KCNK9: variants seen among roughly 807,000 people sequenced by gnomAD.
KCNK9 encodes the protein potassium two pore domain channel subfamily K member 9, also known as potassium channel subfamily K member 9.
KCNK9 carries 1 observed loss-of-function variant against 10.8 expected under a neutral mutation model. The observed-to-expected ratio is 0.09, with a 90% CI of 0.03 to 0.44. The LOEUF (loss-of-function observed/expected upper bound fraction) is 0.44. Among genes scored for constraint, KCNK9 ranks in the 20% least tolerant of loss-of-function variants. The probability of loss-of-function intolerance (pLI) is 0.97; values close to 1 mark genes in which losing one functional copy is unlikely to be tolerated. For synonymous variants in KCNK9, 231 were observed against 222.7 expected (o/e 1.04, Z -0.33); for missense variants, 303 against 515.0 (o/e 0.59, Z 3.98).
downstream of KCNK9, among the ~76,000 whole-genome samples, chr8:139,610,916 T>A (rs909444445): frequency 6.6e-6 from 1 of 152,264 alleles, no homozygotes; most frequent in African/African-American, 2.4e-5. Context: ...GGATGGAATC[T>A]GTGCCCCCTG....
At chr8:139,616,205 C>T (rs141618589), downstream of KCNK9, among the ~76,000 whole-genome samples, 1 of 152,206 alleles carries the variant, frequency 6.6e-6, no homozygotes, top group South Asian at 2.1e-4. Flanking sequence ...GCACACTCTT[C>T]TGAAGCATAA....
At position 139,682,329 on chromosome 8, in the gene KCNK9, G is replaced by A. The variant is rs987869199; in HGVS notation, c.283+20381C>T. ...CAGGCGGGTGGGGGCCTCAGCCCCT[G>A]GGAGATGAAGAAGAGAGTCCCTGCT... On this transcript the variant is annotated intron_variant, in intron 1 of 1. Transcript: ENST00000520439. 2.6e-4 allele frequency among the ~76,000 whole-genome samples: 39 copies of A among 152,322 alleles called. 1 individual carries two copies. The highest frequency in any genetic ancestry group is 2.3e-3 in the Admixed American group (35 of 15,302).
At chr8:139,692,899 T>C (rs528252226) in intron 1 of KCNK9, among the ~76,000 whole-genome samples, 4 of 152,060 alleles carry the variant, frequency 2.6e-5, no homozygotes, top group African/African-American at 7.2e-5. Flanking sequence ...GAGCTTCTGC[T>C]TCAAATGTGG....
intron 1 of KCNK9, among the ~76,000 whole-genome samples, chr8:139,640,555 G>A (rs1025936696): frequency 2.0e-5 from 3 of 152,172 alleles, no homozygotes; most frequent in Non-Finnish European, 4.4e-5. Context: ...CTAGCATGGA[G>A]CACTGTACTT....
Position 139,671,398 on chromosome 8 carries a change from G to A in KCNK9, c.283+31312C>T, listed in dbSNP as rs550569405. On this transcript the variant is annotated intron_variant, in intron 1 of 1. Transcript: ENST00000520439. ...AGCCAGCCCAGAGGAGGTGAGAGAC[G>A]CCTAAGCCATGAACTCCCACCAGCA... is the stretch of plus-strand genomic sequence containing the variant. Among the ~76,000 whole-genome samples the A allele has an allele frequency of 1.1e-3, 162 of 152,250 alleles. 1 individual carries two copies. The highest frequency in any genetic ancestry group is 1.7e-3 in the South Asian group (8 of 4,818).
intron 1 of KCNK9, among the ~76,000 whole-genome samples, chr8:139,623,043 CTGTG>C (rs1411928430): frequency 3.9e-5 from 6 of 152,194 alleles, no homozygotes; most frequent in African/African-American, 1.2e-4. Flanking sequence ...ATGACACAGG[CTGTG>C]TATGTGCCAC....
intron 1 of KCNK9, among the ~76,000 whole-genome samples, chr8:139,658,075 C>T (rs1352527142): frequency 2.0e-5 from 3 of 152,200 alleles, no homozygotes; most frequent in Non-Finnish European, 4.4e-5. Flanking sequence ...TGGCATGAAA[C>T]AGGTCATGGC....
chr8:139,677,192 G>A (rs1395417229), intron 1 of KCNK9, among the ~76,000 whole-genome samples: 1 of 152,122 alleles, frequency 6.6e-6, no homozygotes, highest in African/African-American at 2.4e-5. Context: ...TTGATGCTGG[G>A]CACAGCAGGT....
intron 1 of KCNK9, among the ~76,000 whole-genome samples, chr8:139,689,059 A>C (rs1270233406): frequency 6.6e-6 from 1 of 152,212 alleles, no homozygotes; most frequent in Non-Finnish European, 1.5e-5. Context: ...AGAGGAGATT[A>C]GGACCACAGA....
chr8:139,685,433 G>GC (rs1274105457), intron 1 of KCNK9, among the ~76,000 whole-genome samples: 7 of 152,050 alleles, frequency 4.6e-5, no homozygotes, highest in Non-Finnish European at 8.8e-5. Flanking sequence ...CTCTCCCACA[G>GC]CCCCCAATGC....
intron 1 of KCNK9, among the ~76,000 whole-genome samples, chr8:139,686,417 GA>G (rs1019711654): frequency 6.6e-6 from 1 of 152,050 alleles, no homozygotes; most frequent in Non-Finnish European, 1.5e-5. Flanking sequence ...AAATTTACAA[GA>G]AAAAAACAAA....
At chr8:139,633,886 C>G (rs2003593) in intron 1 of KCNK9, among the ~76,000 whole-genome samples, 60,847 of 152,226 alleles carry the variant, frequency 0.4, 12,724 homozygotes, top group Middle Eastern at 0.49. Flanking sequence ...GGGGGCCTCT[C>G]CCTGGAGCCT....
chr8:139,658,909 A>G (rs533187341), intron 1 of KCNK9, among the ~76,000 whole-genome samples: 5 of 152,340 alleles, frequency 3.3e-5, no homozygotes, highest in African/African-American at 9.6e-5. Context: ...GGTGCTGACC[A>G]CTGCTGTGGA....
intron 1 of KCNK9, among the ~76,000 whole-genome samples, chr8:139,628,939 T>G (rs1050754674): frequency 6.6e-6 from 1 of 152,170 alleles, no homozygotes; most frequent in African/African-American, 2.4e-5. Context: ...AGGGTTGCAC[T>G]GGGTGGACAT....
rs200813594 is a variant in KCNK9 at position 139,619,130 on chromosome 8, A to C, written c.284-31T>G. Reference sequence around the variant, plus strand: ...GGAAGGGGATGAGAAGAACAGAGAGAGCAAGTGAGGAGGGGTCTAGAGGTT... The same window carrying C: ...GGAAGGGGATGAGAAGAACAGAGAGCGCAAGTGAGGAGGGGTCTAGAGGTT... On this transcript the variant is annotated intron_variant, in intron 1 of 1. Transcript: ENST00000520439. 1.9e-4 allele frequency: 307 copies of C among 1,612,098 alleles called. 2 individuals carry two copies. The South Asian group carries it at 3.2e-3, about 17-fold the overall frequency.
chr8:139,682,459 A>G (rs1816711528), intron 1 of KCNK9, among the ~76,000 whole-genome samples: 1 of 152,200 alleles, frequency 6.6e-6, no homozygotes, highest in African/African-American at 2.4e-5. Flanking sequence ...TCAGGGACAC[A>G]TAGGAGAGAC....
chr8:139,680,545 G>T (rs918414), intron 1 of KCNK9, among the ~76,000 whole-genome samples: 1 of 151,928 alleles, frequency 6.6e-6, no homozygotes, highest in South Asian at 2.1e-4. Context: ...GGAGGCTGAC[G>T]TGGCCTTCTG....
chr8:139,619,228 G>T, intron 1 of KCNK9, 129 bp from the exon 2 acceptor site: 1 of 1,038,742 alleles, frequency 9.6e-7, no homozygotes, highest in Admixed American at 2.1e-5. Flanking sequence ...AATTTCCTCT[G>T]CAGGGTAGAG....
chr8:139,630,117 A>G (rs1011046537), intron 1 of KCNK9, among the ~76,000 whole-genome samples: 2 of 152,196 alleles, frequency 1.3e-5, no homozygotes, highest in Non-Finnish European at 1.5e-5. Context: ...GGGGATAAAG[A>G]AAACGGCTCG....
Sources: allele counts gnomAD v4.1 joint callset (sites outside exome capture counted in the v4.1 genomes callset), GRCh38; gene constraint gnomAD v4.1.1; transcripts MANE v1.5; gene names NCBI Gene and HGNC (gene_info 2026-07-23, HGNC 2026-07-21).